Variants in HEMK2 observed in about 807,000 individuals in gnomAD.
HEMK2 encodes the protein methyltransferase HEMK2.
the HEMK2 span, among the ~76,000 whole-genome samples, chr21:28,884,955 A>G: frequency 6.6e-6 from 1 of 152,206 alleles, no homozygotes; most frequent in African/African-American, 2.4e-5. Context: ...AGGAAAAGAT[A>G]CGCCTTTGCA....
At chr21:28,654,160 GGTCTCACT>G in the HEMK2 span, among the ~76,000 whole-genome samples, 1 of 152,126 alleles carries the variant, frequency 6.6e-6, no homozygotes, top group African/African-American at 2.4e-5. Flanking sequence ...ACATTGCACT[GGTCTCACT>G]GTCTTCTTGA....
the HEMK2 span, among the ~76,000 whole-genome samples, chr21:28,856,422 A>C: frequency 2.0e-5 from 3 of 152,150 alleles, no homozygotes; most frequent in Non-Finnish European, 4.4e-5. Flanking sequence ...TCTCAAAAAA[A>C]AAAAAAGAAT....
the HEMK2 span, among the ~76,000 whole-genome samples, chr21:28,748,023 C>A: frequency 6.6e-6 from 1 of 152,200 alleles, no homozygotes; most frequent in Non-Finnish European, 1.5e-5. Flanking sequence ...AACAGAACAG[C>A]AAATACCACA....
the HEMK2 span, among the ~76,000 whole-genome samples, chr21:28,734,790 T>C: frequency 8.5e-5 from 13 of 152,290 alleles, no homozygotes; most frequent in African/African-American, 2.9e-4. Context: ...TAAGACAAGT[T>C]TGGTGTCTGC....
chr21:28,736,168 T>C, the HEMK2 span, among the ~76,000 whole-genome samples: 1 of 152,208 alleles, frequency 6.6e-6, no homozygotes, highest in African/African-American at 2.4e-5. Flanking sequence ...GGCAGCTCAA[T>C]GCCTTATGAT....
chr21:28,628,192 C>T, the HEMK2 span, among the ~76,000 whole-genome samples: 1 of 152,122 alleles, frequency 6.6e-6, no homozygotes, highest in Non-Finnish European at 1.5e-5. Context: ...CACAGATATA[C>T]ACATATGTAT....
At chr21:28,630,293 G>A in the HEMK2 span, among the ~76,000 whole-genome samples, 2 of 152,122 alleles carry the variant, frequency 1.3e-5, no homozygotes, top group Non-Finnish European at 2.9e-5. Context: ...GTGCTGGAGA[G>A]GATGTGGAGA....
the HEMK2 span, among the ~76,000 whole-genome samples, chr21:28,809,599 G>C: frequency 6.6e-5 from 10 of 152,168 alleles, no homozygotes; most frequent in Non-Finnish European, 1.3e-4. Flanking sequence ...CATTTAAAAT[G>C]CAACAGCTGG....
the HEMK2 span, among the ~76,000 whole-genome samples, chr21:28,584,332 G>A: frequency 1.3e-5 from 2 of 152,106 alleles, no homozygotes; most frequent in East Asian, 3.8e-4. Flanking sequence ...TTATTTACAA[G>A]AGCAAATCAG....
chr21:28,740,320 A>G, the HEMK2 span, among the ~76,000 whole-genome samples: 8 of 152,194 alleles, frequency 5.3e-5, no homozygotes, highest in South Asian at 2.1e-4. Flanking sequence ...AAAACACATG[A>G]ACATAGACAA....
At chr21:28,817,370 C>T in the HEMK2 span, among the ~76,000 whole-genome samples, 2 of 151,912 alleles carry the variant, frequency 1.3e-5, no homozygotes, top group Non-Finnish European at 2.9e-5. Flanking sequence ...ATATAGAATA[C>T]AATAAATTGT....
chr21:28,786,539 C>T, the HEMK2 span, among the ~76,000 whole-genome samples: 36 of 151,982 alleles, frequency 2.4e-4, 1 homozygote, highest in Admixed American at 2.3e-3. Context: ...GGTGTGTTGG[C>T]ACACACCTGT....
At chr21:28,880,361 GTTCTATAGTCTC>G in the HEMK2 span, among the ~76,000 whole-genome samples, 2 of 152,130 alleles carry the variant, frequency 1.3e-5, no homozygotes, top group Non-Finnish European at 2.9e-5. Flanking sequence ...ACTGGATACT[GTTCTATAGTCTC>G]TTCTATCTCT....
the HEMK2 span, among the ~76,000 whole-genome samples, chr21:28,643,497 G>A: frequency 8.5e-5 from 13 of 152,184 alleles, no homozygotes; most frequent in African/African-American, 3.1e-4. Flanking sequence ...GGGCAACATA[G>A]AAAGACCCCT....
the HEMK2 span, among the ~76,000 whole-genome samples, chr21:28,782,226 T>A: frequency 6.6e-6 from 1 of 152,172 alleles, no homozygotes; most frequent in Non-Finnish European, 1.5e-5. Context: ...TTATTTTAGT[T>A]GACACATACA....
the HEMK2 span, among the ~76,000 whole-genome samples, chr21:28,595,724 C>T: frequency 6.6e-6 from 1 of 151,992 alleles, no homozygotes; most frequent in Non-Finnish European, 1.5e-5. Flanking sequence ...TATGGCAACT[C>T]TATTTTTAGT....
At chr21:28,684,262 C>T in the HEMK2 span, among the ~76,000 whole-genome samples, 1 of 152,162 alleles carries the variant, frequency 6.6e-6, no homozygotes, top group Non-Finnish European at 1.5e-5. Context: ...AGCTTTAATT[C>T]TTTAAAATCT....
At chr21:28,845,615 C>G in the HEMK2 span, among the ~76,000 whole-genome samples, 1 of 151,848 alleles carries the variant, frequency 6.6e-6, no homozygotes, top group African/African-American at 2.4e-5. Flanking sequence ...TTCTATTTTT[C>G]TTTATGCAGT....
At chr21:28,735,271 T>C in the HEMK2 span, among the ~76,000 whole-genome samples, 5 of 152,180 alleles carry the variant, frequency 3.3e-5, no homozygotes, top group Non-Finnish European at 7.3e-5. Flanking sequence ...TTCTCTACCC[T>C]GGGTATCATA....
Sources: gnomAD v4.1 joint callset for allele counts (sites outside exome capture counted in the v4.1 genomes callset) on GRCh38, gnomAD v4.1.1 for gene constraint, MANE v1.5 for transcripts, NCBI Gene and HGNC (gene_info 2026-07-23, HGNC 2026-07-21) for gene names.